ZNF618: variants seen among roughly 807,000 people sequenced by gnomAD.
ZNF618 encodes the protein neural precursor cell expressed, developmentally down-regulated 10.
In ZNF618, 34 loss-of-function variants were observed where a neutral mutation model predicts 103.0. That is an observed-to-expected ratio of 0.33 (90% confidence interval 0.25 to 0.44). The LOEUF (loss-of-function observed/expected upper bound fraction) is 0.44. Ranked by LOEUF, ZNF618 falls within the 20% of genes least tolerant of loss-of-function variation. The probability of loss-of-function intolerance (pLI) is 1.00; values close to 1 mark genes in which losing one functional copy is unlikely to be tolerated. For missense variants in ZNF618, 1,059 were observed against 1,295.4 expected (o/e 0.82, Z 2.80); for synonymous variants, 551 against 542.2 (o/e 1.02, Z -0.23).
chr9:113,922,089 A>G (rs1160817234), intron 1 of ZNF618, among the ~76,000 whole-genome samples: 1 of 152,262 alleles, frequency 6.6e-6, no homozygotes, highest in Admixed American at 6.5e-5. Flanking sequence ...TGACATGTAC[A>G]TAACTTAAAA....
At chr9:113,979,518 C>G (rs1418370692) in intron 2 of ZNF618, among the ~76,000 whole-genome samples, 1 of 152,224 alleles carries the variant, frequency 6.6e-6, no homozygotes, top group Non-Finnish European at 1.5e-5. Flanking sequence ...ATAATAAAGG[C>G]CAGATGAATG....
At chr9:113,878,486 A>G (rs1332659561) in intron 1 of ZNF618, among the ~76,000 whole-genome samples, 2 of 152,234 alleles carry the variant, frequency 1.3e-5, no homozygotes, top group Non-Finnish European at 2.9e-5. Context: ...AAGGTGAAAC[A>G]AAAAAGAAAA....
At position 113,933,263 on chromosome 9, in the gene ZNF618, T is replaced by G. The variant is rs558588044; in HGVS notation, c.34-35854T>G. On this transcript the variant is annotated intron_variant, in intron 1 of 14. Transcript: ENST00000374126. ...GCGTAGGTGCATTTTGAGTTTGCTC[T>G]AAAGAGGAACAGAGTTAGGGGCATG... 6.6e-5 allele frequency among the ~76,000 whole-genome samples: 10 copies of G among 152,294 alleles called. No homozygotes were observed. In the South Asian group the frequency reaches 2.1e-3, roughly 32 times the overall value.
At chr9:113,897,783 TTTTTGTTTTG>T (rs910181284) in intron 1 of ZNF618, among the ~76,000 whole-genome samples, 5 of 152,148 alleles carry the variant, frequency 3.3e-5, no homozygotes, top group Admixed American at 1.3e-4. Context: ...TGGATTTCGT[TTTTTGTTTTG>T]TTTTGTTTTG....
chr9:113,988,622 G>A (rs1424631304), intron 3 of ZNF618, 42 bp downstream of exon 3: 2 of 1,563,944 alleles, frequency 1.3e-6, no homozygotes, highest in South Asian at 2.3e-5. Flanking sequence ...GACCAGGGTG[G>A]GAACATGGAG....
At chr9:113,978,687 T>C (rs1003643281) in intron 2 of ZNF618, among the ~76,000 whole-genome samples, 1 of 152,216 alleles carries the variant, frequency 6.6e-6, no homozygotes, top group Non-Finnish European at 1.5e-5. Flanking sequence ...ACAAAAATTA[T>C]CCAAATGGTT....
intron 1 of ZNF618, among the ~76,000 whole-genome samples, chr9:113,942,611 A>G (rs1168083439): frequency 6.6e-6 from 1 of 152,148 alleles, no homozygotes; most frequent in Non-Finnish European, 1.5e-5. Flanking sequence ...TCAAGAAGTG[A>G]TTTTGGAGCA....
In ZNF618 at chr9:113,981,037, T is replaced by C. The variant is rs149841668; in HGVS notation, c.78-7284T>C. ...GGGAAGTGGGTAGAGTTGGAGGACTTGGTCAGTGGGCAGAGTCCTGTCTGG... is the reference window on the plus strand; with the variant it reads ...GGGAAGTGGGTAGAGTTGGAGGACTCGGTCAGTGGGCAGAGTCCTGTCTGG... On this transcript the variant is annotated intron_variant, in intron 2 of 14. Transcript: ENST00000374126. 2.7e-3 allele frequency among the ~76,000 whole-genome samples: 404 copies of C among 152,280 alleles called. 1 individual carries two copies. The highest frequency in any genetic ancestry group is 6.8e-3 in the Middle Eastern group (2 of 294).
At chr9:113,981,848 A>G (rs566825073) in intron 2 of ZNF618, among the ~76,000 whole-genome samples, 1 of 152,198 alleles carries the variant, frequency 6.6e-6, no homozygotes, top group Non-Finnish European at 1.5e-5. Flanking sequence ...TCTGTGGGCC[A>G]GGCATTGTGC....
intron 1 of ZNF618, among the ~76,000 whole-genome samples, chr9:113,906,495 G>A (rs1260648236): frequency 1.3e-5 from 2 of 152,144 alleles, no homozygotes; most frequent in African/African-American, 4.8e-5. Flanking sequence ...GGCTGGGGAG[G>A]AGGCTTCCTT....
chr9:113,909,993 CA>C (rs988239127), intron 1 of ZNF618, among the ~76,000 whole-genome samples: 6 of 152,104 alleles, frequency 3.9e-5, no homozygotes, highest in Admixed American at 6.5e-5. Context: ...CCATGTTGGT[CA>C]GGCTGGTCTC....
At chr9:113,999,576 G>T (rs1196390403) in intron 4 of ZNF618, among the ~76,000 whole-genome samples, 2 of 152,210 alleles carry the variant, frequency 1.3e-5, no homozygotes, top group Non-Finnish European at 2.9e-5. Context: ...AGGCAAGGCT[G>T]CATGTGCCCA....
chr9:113,890,674 A>G (rs1409783260), intron 1 of ZNF618, among the ~76,000 whole-genome samples: 2 of 152,230 alleles, frequency 1.3e-5, no homozygotes, highest in Admixed American at 1.3e-4. Context: ...CTACATGTAG[A>G]CAGAACTTGC....
intron 13 of ZNF618, among the ~76,000 whole-genome samples, chr9:114,046,440 G>A (rs560391672): frequency 2.6e-5 from 4 of 152,172 alleles, no homozygotes; most frequent in East Asian, 1.9e-4. Context: ...AGGCTATACC[G>A]TATAGCCTAG....
chr9:113,908,251 C>T (rs965180694), intron 1 of ZNF618, among the ~76,000 whole-genome samples: 8 of 152,078 alleles, frequency 5.3e-5, no homozygotes, highest in African/African-American at 1.2e-4. Context: ...TTACCCACTA[C>T]GAGATTTCAA....
chr9:113,914,703 A>G (rs1831904418), intron 1 of ZNF618, among the ~76,000 whole-genome samples: 1 of 152,220 alleles, frequency 6.6e-6, no homozygotes, highest in Admixed American at 6.5e-5. Flanking sequence ...TTCTGTTCCA[A>G]ACGGGTGTAA....
At chr9:114,012,105 GA>G (rs1842306728) in intron 9 of ZNF618, among the ~76,000 whole-genome samples, 1 of 134,330 alleles carries the variant, frequency 7.4e-6, no homozygotes, top group Non-Finnish European at 1.6e-5. Flanking sequence ...GAGAACACCT[GA>G]AAATGATCTA....
Position 114,008,567 on chromosome 9 carries a change from C to G in ZNF618, c.754+13C>G. On this transcript the variant is annotated intron_variant, in intron 9 of 14. Coordinates refer to ENST00000374126, the MANE Select transcript of ZNF618 (RefSeq NM_001318042.2). ...AAAATCGGGCCAAGTATGCGGGATT[C>G]CCTCTGGGGCCAAGGGCTGGGTGGG... 6.2e-7 allele frequency: 1 copy of G among 1,613,360 alleles called. No individual in the cohort carries two copies. The highest frequency in any genetic ancestry group is 1.7e-5 in the Admixed American group (1 of 59,926).
At chr9:113,999,845 C>G (rs533091883) in intron 4 of ZNF618, among the ~76,000 whole-genome samples, 1 of 152,194 alleles carries the variant, frequency 6.6e-6, no homozygotes, top group South Asian at 2.1e-4. Context: ...CAGTGCCCGG[C>G]ACATTGCAGG....
Sources: allele counts gnomAD v4.1 joint callset (sites outside exome capture counted in the v4.1 genomes callset), GRCh38; gene constraint gnomAD v4.1.1; transcripts MANE v1.5; gene names NCBI Gene and HGNC (gene_info 2026-07-23, HGNC 2026-07-21).